Variants in LRP1B observed in about 807,000 individuals in gnomAD.
The protein encoded by LRP1B is LDL receptor related protein 1B, also known as low-density lipoprotein receptor-related protein 1B.
LRP1B carries 217 observed loss-of-function variants against 556.6 expected under a neutral mutation model. The observed-to-expected ratio is 0.39, with a 90% CI of 0.35 to 0.44. LRP1B has a LOEUF of 0.44. Ranked by LOEUF, LRP1B falls within the 20% of genes least tolerant of loss-of-function variation. The pLI is 1.00. For missense variants in LRP1B, 5,053 were observed against 5,620.8 expected (o/e 0.90, Z 3.23); for synonymous variants, 2,047 against 1,865.8 (o/e 1.10, Z -2.50).
intron 18 of LRP1B, among the ~76,000 whole-genome samples, chr2:140,965,722 A>G (rs570141229): frequency 6.6e-6 from 1 of 151,662 alleles, no homozygotes; most frequent in East Asian, 1.9e-4. Context: ...CTACCCCACG[A>G]CAGGACCCAG....
intron 83 of LRP1B, among the ~76,000 whole-genome samples, chr2:140,299,295 G>C (rs1213625435): frequency 6.6e-6 from 1 of 152,008 alleles, no homozygotes; most frequent in African/African-American, 2.4e-5. Context: ...AGTGAATTGA[G>C]GGTCCATAAC....
intron 71 of LRP1B, 61 bp downstream of exon 71, chr2:140,370,649 T>A: frequency 6.3e-7 from 1 of 1,594,576 alleles, no homozygotes. Flanking sequence ...CTGTATATTC[T>A]GCACAGAACC....
intron 2 of LRP1B, among the ~76,000 whole-genome samples, chr2:141,656,912 G>A (rs1454233775): frequency 2.0e-5 from 3 of 152,014 alleles, no homozygotes; most frequent in Admixed American, 2.0e-4. Flanking sequence ...GGGCTTAGAA[G>A]CAAATACAAT....
In LRP1B at chr2:140,950,398, G is replaced by A. The variant is rs745554983; in HGVS notation, c.2973C>T (p.Asp991=). ...CCTCATCACTCCCGTCCCCACAGTC[G>A]TCATCTGGAAAGAAACATCAACATG... ...ISSKWHCDSD[D]DCGDGSDEVG... The change falls in exon 20 of 91, where the codon GAC becomes GAT. Residue 991 remains aspartate (D), a synonymous_variant. Coordinates refer to ENST00000389484, the MANE Select transcript of LRP1B (RefSeq NM_018557.3). 3.0e-5 allele frequency: 48 copies of A among 1,592,276 alleles called. No homozygotes were observed. The highest frequency in any genetic ancestry group is 1.7e-4 in the Middle Eastern group (1 of 5,976).
intron 6 of LRP1B, among the ~76,000 whole-genome samples, chr2:141,226,233 A>G (rs923500530): frequency 2.0e-5 from 3 of 152,130 alleles, no homozygotes; most frequent in Non-Finnish European, 2.9e-5. Flanking sequence ...GTGTAAAAGA[A>G]AAAAACAGGG....
chr2:141,847,878 G>A (rs1236605046), intron 1 of LRP1B, among the ~76,000 whole-genome samples: 1 of 151,442 alleles, frequency 6.6e-6, no homozygotes, highest in African/African-American at 2.4e-5. Context: ...TTTAAGTTAA[G>A]GATTTTGAAT....
At chr2:141,541,844 G>A (rs1685272484) in intron 2 of LRP1B, among the ~76,000 whole-genome samples, 1 of 151,952 alleles carries the variant, frequency 6.6e-6, no homozygotes, top group Admixed American at 6.6e-5. Context: ...GTGTTTTAAA[G>A]CATTTCAAAG....
intron 3 of LRP1B, among the ~76,000 whole-genome samples, chr2:141,319,295 CA>C (rs1484989942): frequency 7.6e-6 from 1 of 132,392 alleles, no homozygotes; most frequent in Non-Finnish European, 1.5e-5. Context: ...CTCTAAAAAG[CA>C]GTGTTTTTTT....
chr2:141,739,957 T>C (rs1266287964), intron 2 of LRP1B, among the ~76,000 whole-genome samples: 1 of 151,990 alleles, frequency 6.6e-6, no homozygotes. Context: ...AGTTACATGA[T>C]GAGATAACTT....
intron 1 of LRP1B, among the ~76,000 whole-genome samples, chr2:141,873,498 C>T (rs546633320): frequency 6.3e-4 from 96 of 151,860 alleles, no homozygotes; most frequent in South Asian, 3.7e-3. Flanking sequence ...GGGAAAGTAA[C>T]GAAAACTGCA....
intron 62 of LRP1B, 145 bp from the exon 63 acceptor site, chr2:140,450,806 T>C: frequency 1.7e-6 from 1 of 601,342 alleles, no homozygotes; most frequent in Non-Finnish European, 2.9e-6. Flanking sequence ...CAATAGGAAC[T>C]AAATACACAA....
At chr2:141,881,650 A>T (rs1558937489) in intron 1 of LRP1B, among the ~76,000 whole-genome samples, 1 of 152,020 alleles carries the variant, frequency 6.6e-6, no homozygotes, top group Non-Finnish European at 1.5e-5. Context: ...ATTTTAAAAA[A>T]TATATTATTA....
rs1270360116 is a variant in LRP1B at position 140,358,082 on chromosome 2, C to T, written c.11292G>A (p.Lys3764=). Residue 3764 remains lysine (K), a synonymous_variant, in exon 74 of 91, where the codon AAG becomes AAA. Transcript: ENST00000389484. ...KLTYKARPCK[K]DEFACSNKKC... ...TTTTATTACTACAAGCAAACTCATC[C>T]TTTTTACAAGGCCTTGCTTTATATG... 2.5e-6 allele frequency: 4 copies of T among 1,611,294 alleles called. No individual in the cohort carries two copies. Among genetic ancestry groups the T allele is most frequent in the Admixed American group, 1.7e-5 (1 of 59,802 alleles).
intron 43 of LRP1B, among the ~76,000 whole-genome samples, chr2:140,553,244 C>T (rs765853768): frequency 1.3e-5 from 2 of 151,596 alleles, no homozygotes; most frequent in Non-Finnish European, 2.9e-5. Flanking sequence ...TAACTTAAAA[C>T]CAAAAAACTA....
intron 1 of LRP1B, among the ~76,000 whole-genome samples, chr2:142,089,391 G>C (rs1706075142): frequency 6.6e-6 from 1 of 152,178 alleles, no homozygotes; most frequent in Non-Finnish European, 1.5e-5. Flanking sequence ...TCTTGCAACT[G>C]AAGAGAAGCA....
At chr2:140,927,847 C>T (rs1694933348) in intron 20 of LRP1B, among the ~76,000 whole-genome samples, 1 of 151,572 alleles carries the variant, frequency 6.6e-6, no homozygotes, top group Non-Finnish European at 1.5e-5. Flanking sequence ...GCTGGGACTA[C>T]AGGCACCCGC....
In LRP1B at chr2:141,188,458, G is replaced by A. The variant is rs1025444415; in HGVS notation, c.976C>T (p.His326Tyr). Residue 326 changes from histidine to tyrosine, a missense_variant, in exon 7 of 91, where the codon CAC (histidine) becomes TAC (tyrosine). Physicochemically the swap from His to Tyr is moderately conservative, Grantham distance 83 (BLOSUM62 2). Transcript: ENST00000389484. ...VCVTLIDLEL[H>Y]NPKAIAVDPI... ...TCTACTGCTATTGCTTTAGGATTGTGAAGCTCCAGATCAATCAGGGTGACA... is the reference window on the plus strand; with the variant it reads ...TCTACTGCTATTGCTTTAGGATTGTAAAGCTCCAGATCAATCAGGGTGACA... 2 of 1,612,560 alleles carry A rather than the reference G, an allele frequency of 1.2e-6. No homozygotes were observed. The highest frequency in any genetic ancestry group is 1.1e-5 in the South Asian group (1 of 91,024).
chr2:141,826,462 C>T (rs994243661), intron 1 of LRP1B, among the ~76,000 whole-genome samples: 4 of 151,050 alleles, frequency 2.6e-5, no homozygotes, highest in Non-Finnish European at 4.4e-5. Flanking sequence ...TGGGTTCACG[C>T]CATTCTCCTG....
At chr2:141,852,794 T>G (rs1404226589) in intron 1 of LRP1B, among the ~76,000 whole-genome samples, 2 of 151,506 alleles carry the variant, frequency 1.3e-5, no homozygotes, top group African/African-American at 2.4e-5. Context: ...GGGTCAAAGT[T>G]TTGTAAAAAA....
Sources: allele counts gnomAD v4.1 joint callset (sites outside exome capture counted in the v4.1 genomes callset), GRCh38; gene constraint gnomAD v4.1.1; transcripts MANE v1.5; gene names NCBI Gene and HGNC (gene_info 2026-07-23, HGNC 2026-07-21).